CHL1: variants seen among roughly 807,000 people sequenced by gnomAD.
CHL1 encodes the protein cell adhesion molecule L1 like, also known as neural cell adhesion molecule L1-like protein.
CHL1 carries 96 observed loss-of-function variants against 141.9 expected under a neutral mutation model. The ratio of observed to expected loss-of-function variants is 0.68; its 90% confidence interval spans 0.57 to 0.80. CHL1 has a LOEUF of 0.80. Among genes scored for constraint, CHL1 ranks in the 30% least tolerant of loss-of-function variants. The pLI, the probability that CHL1 is intolerant of heterozygous loss-of-function variation, is 0.00. For missense variants in CHL1, 1,820 were observed against 1,457.2 expected, an observed-to-expected ratio of 1.25 and a Z score of -4.05; for synonymous variants, 613 against 502.2, an observed-to-expected ratio of 1.22 and a Z score of -2.95.
intron 1 of CHL1, among the ~76,000 whole-genome samples, chr3:201,033 A>G (rs1350613025): frequency 6.6e-6 from 1 of 152,216 alleles, no homozygotes; most frequent in Non-Finnish European, 1.5e-5. Flanking sequence ...AAAGGATTTA[A>G]GTTTATCTTC....
At chr3:373,082 G>T (rs1219016706) in intron 15 of CHL1, among the ~76,000 whole-genome samples, 1 of 152,192 alleles carries the variant, frequency 6.6e-6, no homozygotes, top group Non-Finnish European at 1.5e-5. Flanking sequence ...TCACCCAGTT[G>T]GGTGGCACGG....
intron 2 of CHL1, among the ~76,000 whole-genome samples, chr3:307,168 T>G (rs1699310826): frequency 6.6e-6 from 1 of 152,186 alleles, no homozygotes; most frequent in East Asian, 1.9e-4. Context: ...TAGAGAAAAA[T>G]GAGAGTTTTA....
intron 1 of CHL1, among the ~76,000 whole-genome samples, chr3:234,058 T>G (rs1223068155): frequency 6.6e-6 from 1 of 152,116 alleles, no homozygotes; most frequent in Non-Finnish European, 1.5e-5. Flanking sequence ...AATGTATTCA[T>G]ACACATATCT....
In CHL1 at chr3:360,401, C is replaced by T; in HGVS notation, c.1283C>T (p.Ala428Val). ...TCAAATGTCCATGGAACTATCCTTGCCAATGCCAATATTGATGTTGTGGGT... is the reference window on the plus strand; with the variant it reads ...TCAAATGTCCATGGAACTATCCTTGTCAATGCCAATATTGATGTTGTGGGT... ...EASNVHGTIL[A>V]NANIDVVDVR... The change falls in exon 12 of 28, where the codon GCC becomes GTC. Residue 428 changes from alanine (A) to valine (V), a missense_variant. Coordinates refer to ENST00000256509, the MANE Select transcript of CHL1 (RefSeq NM_006614.4). The T allele has an allele frequency of 1.2e-6, 2 of 1,613,556 alleles. No individual in the cohort carries two copies. The highest frequency in any genetic ancestry group is 8.5e-7 in the Non-Finnish European group (1 of 1,179,730).
intron 11 of CHL1, among the ~76,000 whole-genome samples, chr3:359,039 T>C (rs1338950547): frequency 6.8e-6 from 1 of 148,108 alleles, no homozygotes; most frequent in Non-Finnish European, 1.5e-5. Context: ...TATCTATATA[T>C]ATACTATAGA....
At chr3:293,262 G>C (rs1038839143) in intron 2 of CHL1, among the ~76,000 whole-genome samples, 3 of 152,144 alleles carry the variant, frequency 2.0e-5, no homozygotes, top group African/African-American at 2.4e-5. Context: ...AGCACTTTGG[G>C]AGGCCGAGGT....
rs778692257 is a variant in CHL1 at position 386,954 on chromosome 3, TA to T, written c.2248-2297del. 8.0e-3 allele frequency among the ~76,000 whole-genome samples: 1,216 copies of T among 152,306 alleles called. 9 individuals carry two copies. Among genetic ancestry groups the T allele is most frequent in the Middle Eastern group, 0.031 (9 of 294 alleles). On this transcript the variant is annotated intron_variant, in intron 19 of 27. Transcript: ENST00000256509. ...AACATATATTTTGAGTAGCTCAATT[TA>T]GCCACTCCACAATGTATACATATTT...
chr3:309,593 C>G (rs1699581159), intron 2 of CHL1, among the ~76,000 whole-genome samples: 1 of 151,516 alleles, frequency 6.6e-6, no homozygotes, highest in South Asian at 2.1e-4. Context: ...CACTCTAGCC[C>G]GAAACTCTGG....
At chr3:356,737 AGAG>A (rs779856390) in intron 11 of CHL1, among the ~76,000 whole-genome samples, 43 of 152,190 alleles carry the variant, frequency 2.8e-4, no homozygotes, top group Non-Finnish European at 5.9e-4. Context: ...GGAGGAGAAA[AGAG>A]GTGAGTGTGA....
chr3:197,498 T>A (rs1308639281), intron 1 of CHL1: 1 of 187,658 alleles, frequency 5.3e-6, no homozygotes, highest in Admixed American at 5.3e-5. Context: ...GGTCTGGGGG[T>A]CAGTCCCGGC....
chr3:200,869 T>C (rs937618544), intron 1 of CHL1, among the ~76,000 whole-genome samples: 1 of 152,206 alleles, frequency 6.6e-6, no homozygotes, highest in African/African-American at 2.4e-5. Context: ...TGAGGAAAGA[T>C]TGTATTTTCT....
chr3:360,166 T>C (rs1704097256), intron 11 of CHL1, 118 bp from the exon 12 acceptor site: 3 of 1,087,974 alleles, frequency 2.8e-6, no homozygotes, highest in South Asian at 1.8e-5. Context: ...TTCAATGAAC[T>C]ATTAGTCACC....
At chr3:253,319 G>T (rs1465399638) in intron 2 of CHL1, among the ~76,000 whole-genome samples, 1 of 152,110 alleles carries the variant, frequency 6.6e-6, no homozygotes, top group African/African-American at 2.4e-5. Flanking sequence ...TGCGAGTTAG[G>T]TTGTTTAGAG....
At chr3:372,095 C>A (rs1233656716) in intron 15 of CHL1, among the ~76,000 whole-genome samples, 1 of 152,042 alleles carries the variant, frequency 6.6e-6, no homozygotes, top group Non-Finnish European at 1.5e-5. Context: ...TAGGGTTAAT[C>A]TTCTCATGGA....
chr3:259,628 AT>A (rs556746416), intron 2 of CHL1, among the ~76,000 whole-genome samples: 1,589 of 151,396 alleles, frequency 0.01, 36 homozygotes, highest in African/African-American at 0.037. Flanking sequence ...CTGCTTTATT[AT>A]TTTTTTCATA....
chr3:363,451 A>G, intron 14 of CHL1, 68 bp downstream of exon 14: 1 of 1,372,340 alleles, frequency 7.3e-7, no homozygotes, highest in Non-Finnish European at 1.0e-6. Flanking sequence ...ATTTGCCCAA[A>G]TGGAATAATA....
intron 5 of CHL1, among the ~76,000 whole-genome samples, chr3:331,217 G>C (rs74881351): frequency 8.8e-5 from 1 of 11,410 alleles, no homozygotes; most frequent in Non-Finnish European, 3.6e-4. Flanking sequence ...TTTTTTGTTT[G>C]TTTGTTTGTT....
chr3:372,350 G>T (rs1487401972), intron 15 of CHL1, among the ~76,000 whole-genome samples: 1 of 151,946 alleles, frequency 6.6e-6, no homozygotes, highest in Admixed American at 6.6e-5. Flanking sequence ...CTGTATTTCA[G>T]CAAAGTGGTC....
chr3:343,817 A>G (rs761332678), intron 8 of CHL1, among the ~76,000 whole-genome samples: 10 of 152,176 alleles, frequency 6.6e-5, no homozygotes, highest in Non-Finnish European at 1.3e-4. Context: ...TAACTCACAC[A>G]TATATAGTGC....
Sources: gnomAD v4.1 joint callset for allele counts (sites outside exome capture counted in the v4.1 genomes callset) on GRCh38, gnomAD v4.1.1 for gene constraint, MANE v1.5 for transcripts, NCBI Gene and HGNC (gene_info 2026-07-23, HGNC 2026-07-21) for gene names.